SNX29: variants seen among roughly 807,000 people sequenced by gnomAD.
SNX29 encodes the protein sorting nexin-29.
SNX29 carries 78 observed loss-of-function variants against 102.1 expected under a neutral mutation model. The ratio of observed to expected loss-of-function variants is 0.76; its 90% CI spans 0.64 to 0.92. The LOEUF (loss-of-function observed/expected upper bound fraction) is 0.92, where lower values mean the gene tolerates loss of function less well. SNX29 is among the 40% of genes least tolerant of loss of function. SNX29 has a pLI of 0.00. For missense variants in SNX29, 1,280 were observed against 1,061.7 expected, an observed-to-expected ratio of 1.21 and a Z score of -2.86; for synonymous variants, 580 against 414.5, an observed-to-expected ratio of 1.40 and a Z score of -4.85.
intron 4 of SNX29, among the ~76,000 whole-genome samples, chr16:12,031,434 G>T (rs1374755336): frequency 6.6e-6 from 1 of 151,954 alleles, no homozygotes; most frequent in South Asian, 2.1e-4. Flanking sequence ...AAGTCTGGCA[G>T]TTCTTTCCCT....
At chr16:12,428,020 A>G (rs1457929342) in intron 18 of SNX29, among the ~76,000 whole-genome samples, 1 of 152,246 alleles carries the variant, frequency 6.6e-6, no homozygotes, top group Non-Finnish European at 1.5e-5. Flanking sequence ...AAGCAGAGAA[A>G]GATAATTTGT....
chr16:12,559,840 G>T (rs549136416), intron 20 of SNX29, among the ~76,000 whole-genome samples: 41 of 152,190 alleles, frequency 2.7e-4, no homozygotes, highest in Middle Eastern at 6.8e-3. Flanking sequence ...GCATTCTAAT[G>T]CCAGACTGCT....
At chr16:12,306,134 CTCT>C (rs2080330866) in intron 15 of SNX29, among the ~76,000 whole-genome samples, 1 of 151,032 alleles carries the variant, frequency 6.6e-6, no homozygotes, top group Admixed American at 6.6e-5. Flanking sequence ...CTCCATTTCC[CTCT>C]TCTTAAACAG....
chr16:12,399,632 C>G (rs1167100516), intron 17 of SNX29, among the ~76,000 whole-genome samples: 1 of 152,134 alleles, frequency 6.6e-6, no homozygotes, highest in Non-Finnish European at 1.5e-5. Context: ...GGCGAAGGTC[C>G]TGATGCGAAC....
chr16:12,148,673 G>C (rs924005171), intron 13 of SNX29, among the ~76,000 whole-genome samples: 2 of 152,060 alleles, frequency 1.3e-5, no homozygotes, highest in Admixed American at 1.3e-4. Context: ...AGCCTCATGA[G>C]GGCAGGAGCC....
At chr16:12,319,906 C>T (rs2080874849) in intron 15 of SNX29, among the ~76,000 whole-genome samples, 1 of 152,158 alleles carries the variant, frequency 6.6e-6, no homozygotes, top group African/African-American at 2.4e-5. Context: ...TAATTAGTTC[C>T]TTGGTGGCAG....
chr16:12,556,432 G>GT (rs1406695370), intron 20 of SNX29: 4 of 152,252 alleles, frequency 2.6e-5, no homozygotes, highest in Admixed American at 1.3e-4. Flanking sequence ...TACAGATGCT[G>GT]TGAAGAAACT....
intron 15 of SNX29, among the ~76,000 whole-genome samples, chr16:12,301,029 G>A (rs1023956530): frequency 2.0e-5 from 3 of 152,126 alleles, no homozygotes; most frequent in African/African-American, 4.8e-5. Flanking sequence ...GTGCGTCTGC[G>A]GTTTTCTCCA....
rs140881705 is a variant in SNX29, at chr16:12,573,559, G to A, written c.*4930G>A. ...GCGTAAGTGTTTTCCCATCCTAACC[G>A]GAAAACCACTCACCCAGGCTTCCCC... is the stretch of plus-strand genomic sequence containing the variant. On this transcript the variant is annotated 3_prime_UTR_variant, in exon 21 of 21. Coordinates refer to ENST00000566228, the MANE Select transcript of SNX29 (RefSeq NM_032167.5). 2.7e-5 allele frequency: 6 copies of A among 223,018 alleles called. No individual in the cohort carries two copies. The highest frequency in any genetic ancestry group is 8.9e-5 in the African/African-American group (4 of 44,770). 13.8% of individuals were successfully genotyped at this position (223,018 alleles called of 1,614,324 possible). A position where few individuals can be genotyped will look rare whatever the true frequency, so the allele number is the denominator to read the frequency against.
chr16:12,516,682 A>G (rs1482336121), intron 19 of SNX29, among the ~76,000 whole-genome samples: 1 of 152,164 alleles, frequency 6.6e-6, no homozygotes, highest in African/African-American at 2.4e-5. Context: ...TTATTTTACA[A>G]AATACCTTGA....
intron 15 of SNX29, among the ~76,000 whole-genome samples, chr16:12,333,318 G>T (rs2081351232): frequency 6.6e-6 from 1 of 151,804 alleles, no homozygotes; most frequent in African/African-American, 2.4e-5. Context: ...TATTGGTCAG[G>T]CTCGTCTTGA....
At chr16:12,540,205 G>A (rs1023325844) in intron 20 of SNX29, among the ~76,000 whole-genome samples, 4 of 152,052 alleles carry the variant, frequency 2.6e-5, no homozygotes, top group Admixed American at 2.0e-4. Context: ...CCAAGGATTG[G>A]GTCAAGGTTA....
chr16:12,456,650 G>C (rs1423103790), intron 18 of SNX29, among the ~76,000 whole-genome samples: 2 of 152,048 alleles, frequency 1.3e-5, no homozygotes, highest in Non-Finnish European at 2.9e-5. Flanking sequence ...ATGTGTGCCT[G>C]AAGGGATACG....
intron 4 of SNX29, among the ~76,000 whole-genome samples, chr16:12,033,521 C>T (rs2151142250): frequency 6.6e-6 from 1 of 152,226 alleles, no homozygotes; most frequent in South Asian, 2.1e-4. Context: ...CATGAGCTCC[C>T]TACATGGTTC....
rs575727456 is a variant in SNX29, at chr16:11,982,043, A to T, written c.7+5230A>T. On this transcript the variant is annotated intron_variant, in intron 1 of 20. Transcript: ENST00000566228. ...AACATAACGAGATCTCATCTCAATT[A>T]AAAAAAAAAAAAAGCAGGGTGTAGA... Among the ~76,000 whole-genome samples, 504 of 141,114 alleles carry T rather than the reference A, an allele frequency of 3.6e-3. 5 individuals are homozygous for T. Among genetic ancestry groups the T allele is most frequent in the African/African-American group, 0.012 (475 of 39,346 alleles). 92.6% of individuals were successfully genotyped at this position (141,114 alleles called of 152,430 possible).
intron 14 of SNX29, among the ~76,000 whole-genome samples, chr16:12,221,681 T>A (rs2077482093): frequency 6.6e-6 from 1 of 151,998 alleles, no homozygotes; most frequent in African/African-American, 2.4e-5. Flanking sequence ...GCAACTTGGG[T>A]TTAACTTTGG....
At chr16:12,073,727 G>A (rs1482913982) in intron 10 of SNX29, among the ~76,000 whole-genome samples, 1 of 151,976 alleles carries the variant, frequency 6.6e-6, no homozygotes, top group African/African-American at 2.4e-5. Flanking sequence ...TATCCTTGTT[G>A]ACTTTCTGTC....
In SNX29 at chr16:12,354,141, A is replaced by G. The variant is rs879162114; in HGVS notation, c.1783-2022A>G. Among the ~76,000 whole-genome samples, 54 of 152,334 alleles carry G rather than the reference A, an allele frequency of 3.5e-4. No homozygotes were observed. In the Middle Eastern group the frequency reaches 0.01, roughly 29 times the overall value. On this transcript the variant is annotated intron_variant, in intron 15 of 20. Coordinates refer to ENST00000566228, the MANE Select transcript of SNX29 (RefSeq NM_032167.5). ...TTTCTAGTTATACTGGAGTTTGGAA[A>G]TAGTTATTCGAGGAACAGTAAGCTC...
intron 3 of SNX29, among the ~76,000 whole-genome samples, chr16:12,015,352 TG>T (rs2056812539): frequency 6.6e-6 from 1 of 152,092 alleles, no homozygotes; most frequent in South Asian, 2.1e-4. Flanking sequence ...GTGATTCTCC[TG>T]CCTCAGCGTC....
Sources: allele counts gnomAD v4.1 joint callset (sites outside exome capture counted in the v4.1 genomes callset), GRCh38; gene constraint gnomAD v4.1.1; transcripts MANE v1.5; gene names NCBI Gene and HGNC (gene_info 2026-07-23, HGNC 2026-07-21).